Variants in COMMD10 observed in about 807,000 individuals in gnomAD.
COMMD10 encodes the protein COMM domain-containing protein 10.
In COMMD10, 33 loss-of-function variants were observed where a neutral mutation model predicts 28.9. The ratio of observed to expected loss-of-function variants is 1.14; its 90% CI spans 0.87 to 1.53. The LOEUF is 1.53. COMMD10 is among the 40% of genes most tolerant of loss of function. The pLI is 0.00. For missense variants in COMMD10, 310 were observed against 233.4 expected, an observed-to-expected ratio of 1.33 and a Z score of -2.14; for synonymous variants, 110 against 81.7, an observed-to-expected ratio of 1.35 and a Z score of -1.87.
At chr5:116,116,446 A>G (rs1279173529) in intron 4 of COMMD10, among the ~76,000 whole-genome samples, 1 of 152,220 alleles carries the variant, frequency 6.6e-6, no homozygotes, top group African/African-American at 2.4e-5. Context: ...CTGTGAATAC[A>G]TATCTGAGAG....
intron 5 of COMMD10, among the ~76,000 whole-genome samples, chr5:116,217,537 A>G (rs1212589585): frequency 6.6e-6 from 1 of 152,216 alleles, no homozygotes; most frequent in Non-Finnish European, 1.5e-5. Context: ...AAACGGAACC[A>G]CTGCTCTTTT....
At chr5:116,091,017 C>T in intron 2 of COMMD10, 62 bp from the exon 3 acceptor site, 1 of 950,974 alleles carries the variant, frequency 1.1e-6, no homozygotes, top group South Asian at 1.7e-5. Flanking sequence ...AATCTTCTGT[C>T]AAGTATGAAT....
At chr5:116,137,528 A>C (rs948567510) in intron 5 of COMMD10, among the ~76,000 whole-genome samples, 1 of 152,032 alleles carries the variant, frequency 6.6e-6, no homozygotes, top group Non-Finnish European at 1.5e-5. Context: ...GAAAATATAC[A>C]TATATTAAAC....
chr5:116,147,987 A>G (rs944067518), intron 5 of COMMD10, among the ~76,000 whole-genome samples: 11 of 151,832 alleles, frequency 7.2e-5, no homozygotes, highest in Admixed American at 2.6e-4. Context: ...ATCATTTTAA[A>G]TGACTACATA....
At chr5:116,179,611 A>G (rs149251999) in intron 5 of COMMD10, among the ~76,000 whole-genome samples, 11 of 152,268 alleles carry the variant, frequency 7.2e-5, no homozygotes, top group Non-Finnish European at 1.5e-4. Flanking sequence ...GCCTAATGAG[A>G]GTAGAAGGTA....
intron 4 of COMMD10, among the ~76,000 whole-genome samples, chr5:116,099,069 C>G (rs1189341697): frequency 1.3e-5 from 2 of 152,076 alleles, no homozygotes; most frequent in South Asian, 4.1e-4. Context: ...CATTAGATTC[C>G]CAGAACTTAA....
intron 5 of COMMD10, among the ~76,000 whole-genome samples, chr5:116,248,649 C>T (rs1054228144): frequency 6.6e-6 from 1 of 151,930 alleles, no homozygotes; most frequent in African/African-American, 2.4e-5. Flanking sequence ...GTTATTCATA[C>T]AGGTCTCTGT....
chr5:116,191,513 G>T (rs1235075507), intron 5 of COMMD10, among the ~76,000 whole-genome samples: 1 of 151,832 alleles, frequency 6.6e-6, no homozygotes, highest in African/African-American at 2.4e-5. Context: ...GCCTGTGACT[G>T]CCAGCTTTCC....
intron 5 of COMMD10, among the ~76,000 whole-genome samples, chr5:116,168,291 C>T (rs1046724165): frequency 2.0e-5 from 3 of 151,966 alleles, no homozygotes; most frequent in South Asian, 2.1e-4. Flanking sequence ...AGCTAACTTT[C>T]TTAAATATAT....
At chr5:116,274,695 A>G (rs1166103221) in intron 5 of COMMD10, among the ~76,000 whole-genome samples, 1 of 151,794 alleles carries the variant, frequency 6.6e-6, no homozygotes, top group African/African-American at 2.4e-5. Flanking sequence ...AGCAGTTGAC[A>G]TTCTAATCAA....
intron 5 of COMMD10, among the ~76,000 whole-genome samples, chr5:116,179,511 G>T (rs964882335): frequency 6.6e-6 from 1 of 152,102 alleles, no homozygotes; most frequent in Non-Finnish European, 1.5e-5. Flanking sequence ...GACATTGAAG[G>T]TTATGGGTAG....
Position 116,091,118 on chromosome 5 carries a change from C to G in COMMD10, c.172C>G (p.Gln58Glu). ...SFSEEEEEKL[Q>E]AAFSLEKQDL... ...CAGTGAAGAAGAGGAAGAAAAACTT[C>G]AAGCGGCATTTTCTCTAGAGAAACA... is the stretch of plus-strand genomic sequence containing the variant. The change falls in exon 3 of 7, where the codon CAA becomes GAA. Residue 58 changes from glutamine (Q) to glutamate (E), a missense_variant. By Grantham distance (29) the Gln-to-Glu change is conservative. Transcript: ENST00000274458. The G allele has an allele frequency of 6.2e-7, 1 of 1,612,276 alleles. No homozygotes were observed.
At chr5:116,222,993 C>G (rs985692176) in intron 5 of COMMD10, among the ~76,000 whole-genome samples, 15 of 152,160 alleles carry the variant, frequency 9.9e-5, no homozygotes, top group African/African-American at 3.6e-4. Flanking sequence ...CTCAGCCGCC[C>G]TTTTTAATAC....
intron 5 of COMMD10, among the ~76,000 whole-genome samples, chr5:116,223,207 A>G (rs1443296041): frequency 1.3e-5 from 2 of 151,306 alleles, no homozygotes; most frequent in Admixed American, 6.6e-5. Context: ...TTTTTTTTTG[A>G]AAAAAAGGAG....
At chr5:116,123,541 G>A (rs946426362) in intron 4 of COMMD10, among the ~76,000 whole-genome samples, 13 of 151,962 alleles carry the variant, frequency 8.6e-5, no homozygotes, top group Non-Finnish European at 1.6e-4. Flanking sequence ...TTTTTTTGTC[G>A]TGTCTCTGTC....
chr5:116,173,809 C>T (rs10073157), intron 5 of COMMD10, among the ~76,000 whole-genome samples: 46,443 of 150,660 alleles, frequency 0.31, 10,037 homozygotes, highest in African/African-American at 0.62. Context: ...ATTTTTTTTC[C>T]AACTGTTTTT....
At chr5:116,195,952 G>A (rs370001689) in intron 5 of COMMD10, among the ~76,000 whole-genome samples, 1 of 152,272 alleles carries the variant, frequency 6.6e-6, no homozygotes, top group African/African-American at 2.4e-5. Flanking sequence ...TGGCATGGAT[G>A]CAGTGATCAG....
At chr5:116,101,703 C>T (rs181439628) in intron 4 of COMMD10, among the ~76,000 whole-genome samples, 15 of 152,306 alleles carry the variant, frequency 9.8e-5, no homozygotes, top group African/African-American at 2.4e-4. Flanking sequence ...GGCTTACAGG[C>T]GTGAGCCACT....
chr5:116,273,179 C>A (rs1474825091), intron 5 of COMMD10, among the ~76,000 whole-genome samples: 1 of 151,844 alleles, frequency 6.6e-6, no homozygotes, highest in Non-Finnish European at 1.5e-5. Context: ...AAACTAGATC[C>A]TGTTCAGACA....
Sources: gnomAD v4.1 joint callset for allele counts (sites outside exome capture counted in the v4.1 genomes callset) on GRCh38, gnomAD v4.1.1 for gene constraint, MANE v1.5 for transcripts, NCBI Gene and HGNC (gene_info 2026-07-23, HGNC 2026-07-21) for gene names.